KIAA1217: variants seen among roughly 807,000 people sequenced by gnomAD.
KIAA1217 encodes the protein sickle tail protein homolog.
Under a neutral mutation model 163.9 loss-of-function variants are expected in KIAA1217, and 88 were observed. That is an observed-to-expected ratio of 0.54 (90% CI 0.45 to 0.64). The LOEUF (loss-of-function observed/expected upper bound fraction) is 0.64, where lower values mean the gene tolerates loss of function less well. Ranked by LOEUF, KIAA1217 falls within the 30% of genes least tolerant of loss-of-function variation. KIAA1217 has a pLI of 0.00. For synonymous variants in KIAA1217, 903 were observed against 923.1 expected (o/e 0.98, Z 0.39); for missense variants, 2,372 against 2,475.0 (o/e 0.96, Z 0.88).
intron 1 of KIAA1217, among the ~76,000 whole-genome samples, chr10:23,800,939 C>T (rs1023452768): frequency 2.0e-4 from 31 of 151,958 alleles, no homozygotes; most frequent in African/African-American, 7.3e-4. Flanking sequence ...GATCTAGAAC[C>T]GGAAATACCA....
chr10:24,022,768 A>T (rs1847788653), intron 2 of KIAA1217, among the ~76,000 whole-genome samples: 1 of 151,738 alleles, frequency 6.6e-6, no homozygotes, highest in Admixed American at 6.6e-5. Context: ...CGGGAATATT[A>T]TGTAGTGATA....
At chr10:24,161,785 T>C (rs1481026810) in intron 2 of KIAA1217, among the ~76,000 whole-genome samples, 1 of 152,206 alleles carries the variant, frequency 6.6e-6, no homozygotes, top group African/African-American at 2.4e-5. Context: ...TTGTCCGTTA[T>C]CTTTGAGATT....
chr10:24,026,032 T>C (rs1564618742), intron 2 of KIAA1217, among the ~76,000 whole-genome samples: 2 of 151,868 alleles, frequency 1.3e-5, no homozygotes, highest in Non-Finnish European at 2.9e-5. Flanking sequence ...GCTAAAGCCA[T>C]CAGTAAAATG....
chr10:23,743,927 C>T (rs1246204052), intron 1 of KIAA1217, among the ~76,000 whole-genome samples: 1 of 151,814 alleles, frequency 6.6e-6, no homozygotes, highest in Non-Finnish European at 1.5e-5. Context: ...CTCTGAGAAC[C>T]CAGGAGAGGG....
At chr10:24,490,339 C>G (rs540377344) in intron 6 of KIAA1217, among the ~76,000 whole-genome samples, 1 of 152,296 alleles carries the variant, frequency 6.6e-6, no homozygotes, top group Admixed American at 6.5e-5. Flanking sequence ...TGATGATGAG[C>G]ATGAAAAATT....
At chr10:24,353,831 A>T (rs1234007495) in intron 2 of KIAA1217, among the ~76,000 whole-genome samples, 2 of 152,246 alleles carry the variant, frequency 1.3e-5, no homozygotes, top group Non-Finnish European at 2.9e-5. Context: ...AAGAACTCCT[A>T]GAAGTCAATG....
At chr10:23,906,112 T>C (rs775335854) in intron 1 of KIAA1217, among the ~76,000 whole-genome samples, 1 of 152,016 alleles carries the variant, frequency 6.6e-6, no homozygotes, top group Non-Finnish European at 1.5e-5. Flanking sequence ...AATAAAAGAT[T>C]AATCATATCC....
chr10:23,995,653 T>C (rs771136715), intron 1 of KIAA1217, among the ~76,000 whole-genome samples: 1 of 152,170 alleles, frequency 6.6e-6, no homozygotes, highest in Non-Finnish European at 1.5e-5. Flanking sequence ...GAAGCGGCAA[T>C]CCAGGGACTG....
chr10:24,385,387 GT>G (rs2053871505), intron 3 of KIAA1217, among the ~76,000 whole-genome samples: 1 of 152,174 alleles, frequency 6.6e-6, no homozygotes, highest in African/African-American at 2.4e-5. Context: ...CAGTAGCTGT[GT>G]TTTGGACCCG....
At chr10:23,899,261 A>G (rs1841850983) in intron 1 of KIAA1217, among the ~76,000 whole-genome samples, 1 of 152,128 alleles carries the variant, frequency 6.6e-6, no homozygotes, top group Admixed American at 6.6e-5. Context: ...TTGATGTCCA[A>G]CGTGTTTATA....
At chr10:23,729,858 A>G (rs1377332690) in intron 1 of KIAA1217, among the ~76,000 whole-genome samples, 1 of 152,052 alleles carries the variant, frequency 6.6e-6, no homozygotes, top group East Asian at 1.9e-4. Flanking sequence ...GTAATTGTCA[A>G]ACCCAAAGCC....
Position 23,993,553 on chromosome 10 carries a change from CTTT to C in KIAA1217, c.-320-13654_-320-13652del, listed in dbSNP as rs200437343. On this transcript the variant is annotated intron_variant, in intron 1 of 18. Transcript: ENST00000376462. ...AAGAGTTTGGCTCTCCATAGCCCAG[CTTT>C]TTTTTTTTTTTTTTTTTGAGACAGA... Among the ~76,000 whole-genome samples the C allele has an allele frequency of 7.3e-5, 5 of 68,956 alleles. 1 individual carries two copies. Among genetic ancestry groups the C allele is most frequent in the Admixed American group, 3.6e-4 (2 of 5,480 alleles). The allele number at this position is 68,956 out of a possible 152,430, so 45.2% of individuals were successfully genotyped here.
intron 2 of KIAA1217, among the ~76,000 whole-genome samples, chr10:24,226,597 G>A (rs989772657): frequency 6.6e-6 from 1 of 151,518 alleles, no homozygotes; most frequent in South Asian, 2.1e-4. Context: ...AGCCAAGATC[G>A]CACCACTGCA....
At chr10:24,236,613 G>T (rs926994101) in intron 2 of KIAA1217, among the ~76,000 whole-genome samples, 5 of 149,786 alleles carry the variant, frequency 3.3e-5, no homozygotes, top group Non-Finnish European at 7.4e-5. Flanking sequence ...AGCTGTTTGT[G>T]TTCTTTTATC....
At chr10:24,054,648 T>C (rs1849755424) in intron 2 of KIAA1217, among the ~76,000 whole-genome samples, 1 of 152,204 alleles carries the variant, frequency 6.6e-6, no homozygotes, top group Non-Finnish European at 1.5e-5. Flanking sequence ...ATTACGAGGA[T>C]ATGTTATGAG....
At chr10:24,379,929 G>A (rs1033769433) in intron 2 of KIAA1217, among the ~76,000 whole-genome samples, 1 of 152,130 alleles carries the variant, frequency 6.6e-6, no homozygotes. Context: ...GTACATGCCT[G>A]TAATCCCAGC....
chr10:23,788,010 A>G (rs1225163737), intron 1 of KIAA1217, among the ~76,000 whole-genome samples: 2 of 152,082 alleles, frequency 1.3e-5, no homozygotes, highest in East Asian at 3.9e-4. Context: ...CTTGGGCAAC[A>G]AAGCGACACC....
intron 1 of KIAA1217, among the ~76,000 whole-genome samples, chr10:23,862,287 T>C (rs1317454731): frequency 6.6e-6 from 1 of 152,184 alleles, no homozygotes; most frequent in African/African-American, 2.4e-5. Flanking sequence ...TCTATTTCAG[T>C]GGAATTTTAA....
At chr10:23,855,755 ATTCAT>A (rs1399452980) in intron 1 of KIAA1217, among the ~76,000 whole-genome samples, 1 of 151,804 alleles carries the variant, frequency 6.6e-6, no homozygotes, top group Non-Finnish European at 1.5e-5. Context: ...GCTTCATTTC[ATTCAT>A]TTCATCTTCC....
Sources: allele counts gnomAD v4.1 joint callset (sites outside exome capture counted in the v4.1 genomes callset), GRCh38; gene constraint gnomAD v4.1.1; transcripts MANE v1.5; gene names NCBI Gene and HGNC (gene_info 2026-07-23, HGNC 2026-07-21).